Variants in LOC400499 observed in about 807,000 individuals in gnomAD.
chr16:11,519,992 C>T, the LOC400499 span, among the ~76,000 whole-genome samples: 3 of 152,058 alleles, frequency 2.0e-5, no homozygotes, highest in East Asian at 1.9e-4. Context: ...CATGAGCCAC[C>T]GCGCCCGGCC....
the LOC400499 span, chr16:11,404,790 A>C: frequency 4.0e-5 from 16 of 398,996 alleles, no homozygotes; most frequent in Non-Finnish European, 7.1e-5. Flanking sequence ...CCACAGCACC[A>C]CCTGGCGCAG....
chr16:11,410,745 G>C, the LOC400499 span, among the ~76,000 whole-genome samples: 1 of 152,206 alleles, frequency 6.6e-6, no homozygotes, highest in Non-Finnish European at 1.5e-5. Flanking sequence ...GCTGGGCCCT[G>C]TGCCAGGCAC....
chr16:11,494,405 C>A, the LOC400499 span, among the ~76,000 whole-genome samples: 1 of 142,086 alleles, frequency 7.0e-6, no homozygotes, highest in African/African-American at 2.6e-5. Flanking sequence ...CGTGGGGGGG[C>A]AGGCAGGAGG....
chr16:11,441,184 T>G, the LOC400499 span: 1 of 397,686 alleles, frequency 2.5e-6, no homozygotes, highest in African/African-American at 2.1e-5. Context: ...GTCCAAAGAT[T>G]GATGGGTTAT....
the LOC400499 span, chr16:11,514,625 G>C: frequency 2.5e-6 from 1 of 399,262 alleles, no homozygotes; most frequent in Non-Finnish European, 4.4e-6. Context: ...GGAGGGACGA[G>C]GGACACATCA....
the LOC400499 span, among the ~76,000 whole-genome samples, chr16:11,441,756 G>A: frequency 1.3e-5 from 2 of 152,144 alleles, no homozygotes; most frequent in Non-Finnish European, 2.9e-5. Context: ...GGGGCCATGA[G>A]CCAAGGCATG....
chr16:11,499,024 G>A, the LOC400499 span, among the ~76,000 whole-genome samples: 6 of 113,960 alleles, frequency 5.3e-5, no homozygotes, highest in Non-Finnish European at 1.0e-4. Flanking sequence ...CACATGAATC[G>A]AACATATGTA....
chr16:11,374,889 C>A, the LOC400499 span, among the ~76,000 whole-genome samples: 2 of 152,156 alleles, frequency 1.3e-5, no homozygotes, highest in African/African-American at 4.8e-5. Context: ...GGCTCTGTCA[C>A]CCAGGCTGGA....
the LOC400499 span, among the ~76,000 whole-genome samples, chr16:11,475,342 TAAAC>T: frequency 2.0e-4 from 30 of 151,754 alleles, no homozygotes; most frequent in African/African-American, 2.9e-4. Context: ...AAATAATAAA[TAAAC>T]AAATAAATAA....
the LOC400499 span, among the ~76,000 whole-genome samples, chr16:11,382,294 A>G: frequency 0.42 from 63,252 of 152,002 alleles, 13,557 homozygotes; most frequent in Non-Finnish European, 0.48. Flanking sequence ...ATATTTTCCA[A>G]TTCATTAATT....
At chr16:11,406,603 C>T in the LOC400499 span, among the ~76,000 whole-genome samples, 151,256 of 152,328 alleles carry the variant, frequency 0.99, 75,120 homozygotes, top group Middle Eastern at 1. Flanking sequence ...TGGCTAATTC[C>T]ATATTTTTAG....
chr16:11,459,098 G>C, the LOC400499 span, among the ~76,000 whole-genome samples: 2 of 149,908 alleles, frequency 1.3e-5, no homozygotes, highest in African/African-American at 4.9e-5. Context: ...TTTACATGAT[G>C]TATACTTAGC....
At chr16:11,374,930 C>T in the LOC400499 span, among the ~76,000 whole-genome samples, 1 of 152,134 alleles carries the variant, frequency 6.6e-6, no homozygotes, top group Non-Finnish European at 1.5e-5. Flanking sequence ...CTCACTGCAA[C>T]CTCCGCCTCC....
the LOC400499 span, among the ~76,000 whole-genome samples, chr16:11,501,553 T>C: frequency 6.6e-6 from 1 of 152,160 alleles, no homozygotes; most frequent in East Asian, 1.9e-4. Flanking sequence ...GATGGGGGCA[T>C]TGCTATGTTG....
the LOC400499 span, among the ~76,000 whole-genome samples, chr16:11,497,760 G>A: frequency 6.6e-6 from 1 of 152,144 alleles, no homozygotes; most frequent in East Asian, 1.9e-4. Context: ...AGAAGGGCCA[G>A]CCTTCCCTGT....
At chr16:11,401,428 G>C in the LOC400499 span, 1 of 399,420 alleles carries the variant, frequency 2.5e-6, no homozygotes, top group Admixed American at 4.4e-5. Context: ...GACAGACTCA[G>C]CCAGTGGCCT....
the LOC400499 span, among the ~76,000 whole-genome samples, chr16:11,382,569 C>G: frequency 4.7e-5 from 7 of 149,816 alleles, no homozygotes; most frequent in South Asian, 4.1e-4. Context: ...CAGAAGTCAT[C>G]TGCTGTGTTG....
chr16:11,381,379 G>A, the LOC400499 span, among the ~76,000 whole-genome samples: 1 of 152,088 alleles, frequency 6.6e-6, no homozygotes, highest in Non-Finnish European at 1.5e-5. Context: ...GGGAGTACAA[G>A]TGTGAGCCAC....
chr16:11,484,139 C>G, the LOC400499 span, among the ~76,000 whole-genome samples: 1 of 150,958 alleles, frequency 6.6e-6, no homozygotes, highest in Non-Finnish European at 1.5e-5. Context: ...TCCCAAGCAC[C>G]TGGGACTACA....
Sources: allele counts gnomAD v4.1 joint callset (sites outside exome capture counted in the v4.1 genomes callset), GRCh38; gene constraint gnomAD v4.1.1; transcripts MANE v1.5.